PCDHGB6: variants seen among roughly 807,000 people sequenced by gnomAD.
The protein encoded by PCDHGB6 is protocadherin gamma-B6.
In PCDHGB6, 51 loss-of-function variants were observed where a neutral mutation model predicts 59.1. The ratio of observed to expected loss-of-function variants is 0.86; its 90% CI spans 0.69 to 1.09. The LOEUF (loss-of-function observed/expected upper bound fraction) is 1.09, where lower values mean the gene tolerates loss of function less well. Among genes scored for constraint, PCDHGB6 ranks in the 50% least tolerant of loss-of-function variants. PCDHGB6 has a pLI of 0.00. For synonymous variants in PCDHGB6, 466 were observed against 495.1 expected (o/e 0.94, Z 0.78); for missense variants, 1,148 against 1,205.1 (o/e 0.95, Z 0.70).
chr5:141,418,125 G>T (rs765373450), intron 1 of PCDHGB6: 7 of 1,613,968 alleles, frequency 4.3e-6, no homozygotes, highest in African/African-American at 2.7e-5. Flanking sequence ...GTGAAGGACC[G>T]AATAGACCGT....
Position 141,487,125 on chromosome 5 carries a change from G to A in PCDHGB6, c.2419-7682G>A. 6.2e-7 allele frequency: 1 copy of A among 1,614,112 alleles called. No homozygotes were observed. The highest frequency in any genetic ancestry group is 8.5e-7 in the Non-Finnish European group (1 of 1,179,994). The stretch of plus-strand genomic sequence containing the variant: ...CTGGTCATTGTGGTAAAGGATAGTG[G>A]TAGTCCACCACTCTCTACCTCTGTT... On this transcript the variant is annotated intron_variant, in intron 1 of 3. Coordinates refer to ENST00000520790, the MANE Select transcript of PCDHGB6 (RefSeq NM_018926.3). This position sits in a 1 kb window ranked among gnomAD's most constrained non-coding sequence, Gnocchi z 5.0.
Position 141,490,943 on chromosome 5 carries a change from G to A in PCDHGB6, c.2419-3864G>A, listed in dbSNP as rs1035375216. The A allele has an allele frequency of 6.8e-6, 11 of 1,613,470 alleles. No homozygotes were observed. The East Asian group carries it at 1.1e-4, about 16-fold the overall frequency. On this transcript the variant is annotated intron_variant, in intron 1 of 3. Coordinates refer to ENST00000520790, the MANE Select transcript of PCDHGB6 (RefSeq NM_018926.3). This position sits in a 1 kb window ranked among gnomAD's most constrained non-coding sequence, Gnocchi z 5.4. Reference sequence around the variant, plus strand: ...AATGCCCCAGCTGTGCTGCACCCACGGCCAGACTGGGAACACTCAGCCCCC... The same window carrying A: ...AATGCCCCAGCTGTGCTGCACCCACAGCCAGACTGGGAACACTCAGCCCCC...
intron 1 of PCDHGB6, chr5:141,430,848 A>G (rs780445178): frequency 1.3e-6 from 2 of 1,581,028 alleles, no homozygotes; most frequent in Admixed American, 1.8e-5. Flanking sequence ...GGATGCACCC[A>G]GATACGCTAT....
rs768648952 is a variant in PCDHGB6 at position 141,477,230 on chromosome 5, G to C, written c.2419-17577G>C. 6.2e-7 allele frequency: 1 copy of C among 1,614,046 alleles called. No homozygotes were observed. Among genetic ancestry groups the C allele is most frequent in the East Asian group, 2.2e-5 (1 of 44,890 alleles). ...GGATGCCCCTCTGGGGACTGTCATC[G>C]CTTTGCTCAGTGTGACTGACCTGGA... On this transcript the variant is annotated intron_variant, in intron 1 of 3. Transcript: ENST00000520790. The surrounding 1 kb of genome is among the most constrained non-coding windows in gnomAD (Gnocchi z 4.9).
intron 1 of PCDHGB6, among the ~76,000 whole-genome samples, chr5:141,456,303 G>A (rs941370138): frequency 6.6e-6 from 1 of 152,156 alleles, no homozygotes; most frequent in Non-Finnish European, 1.5e-5. Flanking sequence ...ATGGAGAACA[G>A]CAGCTAGGGC....
intron 1 of PCDHGB6, among the ~76,000 whole-genome samples, chr5:141,439,139 G>T (rs2098090438): frequency 6.6e-6 from 1 of 150,672 alleles, no homozygotes; most frequent in South Asian, 2.1e-4. Flanking sequence ...GTTGCAGTGA[G>T]CTGAGATCAC....
At chr5:141,436,105 A>G (rs2097796181) in intron 1 of PCDHGB6, among the ~76,000 whole-genome samples, 2 of 152,198 alleles carry the variant, frequency 1.3e-5, no homozygotes, top group African/African-American at 4.8e-5. Context: ...GAAATAGAGG[A>G]CAATGAAACC....
intron 1 of PCDHGB6, among the ~76,000 whole-genome samples, chr5:141,460,285 T>C (rs1283830175): frequency 1.3e-5 from 2 of 152,154 alleles, no homozygotes; most frequent in Admixed American, 6.5e-5. Context: ...ATAGTTTGTA[T>C]TTCTTATGTC....
intron 1 of PCDHGB6, among the ~76,000 whole-genome samples, chr5:141,444,770 C>A (rs1382748105): frequency 2.6e-5 from 4 of 152,078 alleles, no homozygotes; most frequent in African/African-American, 9.7e-5. Context: ...TTTCTATATT[C>A]TTGATCATGT....
In PCDHGB6 at chr5:141,476,141, G is replaced by A. The variant is rs1011341002; in HGVS notation, c.2419-18666G>A. On this transcript the variant is annotated intron_variant, in intron 1 of 3. Coordinates refer to ENST00000520790, the MANE Select transcript of PCDHGB6 (RefSeq NM_018926.3). This position sits in a 1 kb window ranked among gnomAD's most constrained non-coding sequence, Gnocchi z 7.6. ...GATGGTCCCAGAGGCCTGGAGGAGCGGACTGGTAAGCACCGGGAGGGTAGT... is the reference window on the plus strand; with the variant it reads ...GATGGTCCCAGAGGCCTGGAGGAGCAGACTGGTAAGCACCGGGAGGGTAGT... 5.6e-6 allele frequency: 9 copies of A among 1,609,928 alleles called. No homozygotes were observed. Among genetic ancestry groups the A allele is most frequent in the Non-Finnish European group, 7.6e-6 (9 of 1,178,880 alleles).
chr5:141,461,480 G>A (rs1478939044), intron 1 of PCDHGB6, among the ~76,000 whole-genome samples: 1 of 151,970 alleles, frequency 6.6e-6, no homozygotes, highest in Non-Finnish European at 1.5e-5. Context: ...ACTTTTTAAT[G>A]GGATTGTGTT....
chr5:141,439,042 A>C (rs2098084096), intron 1 of PCDHGB6, among the ~76,000 whole-genome samples: 1 of 151,642 alleles, frequency 6.6e-6, no homozygotes, highest in Non-Finnish European at 1.5e-5. Context: ...TCAGTTCATA[A>C]GATTTCCATA....
intron 1 of PCDHGB6, among the ~76,000 whole-genome samples, chr5:141,463,545 T>C (rs1433047951): frequency 6.8e-6 from 1 of 146,704 alleles, no homozygotes; most frequent in East Asian, 2.1e-4. Flanking sequence ...GGCTCCCGGG[T>C]TCATGCCATT....
intron 3 of PCDHGB6, among the ~76,000 whole-genome samples, chr5:141,506,320 G>A (rs1054880362): frequency 8.6e-5 from 13 of 151,966 alleles, no homozygotes; most frequent in South Asian, 8.3e-4. Flanking sequence ...ATGGTGGTGC[G>A]TGCCTGTAGT....
intron 1 of PCDHGB6, chr5:141,424,098 C>T: frequency 8.3e-6 from 7 of 846,340 alleles, no homozygotes; most frequent in Non-Finnish European, 1.0e-5. Flanking sequence ...TTTGCTATTA[C>T]TGCTAATGTT....
At chr5:141,415,401 G>A (rs1408496357) in intron 1 of PCDHGB6, 9 of 1,614,088 alleles carry the variant, frequency 5.6e-6, no homozygotes, top group East Asian at 2.2e-5. Context: ...TGTCCGGCTC[G>A]CACTTTGTGG....
chr5:141,509,839 T>C (rs1277859334), intron 3 of PCDHGB6, among the ~76,000 whole-genome samples: 4 of 152,162 alleles, frequency 2.6e-5, no homozygotes, highest in Non-Finnish European at 5.9e-5. Context: ...CTACCTCCCA[T>C]TCACTCAGAA....
At chr5:141,436,793 C>T (rs752376420) in intron 1 of PCDHGB6, among the ~76,000 whole-genome samples, 4 of 152,178 alleles carry the variant, frequency 2.6e-5, no homozygotes, top group Non-Finnish European at 5.9e-5. Flanking sequence ...TAAAACTGTT[C>T]TAAAATTTTT....
At chr5:141,483,122 A>G (rs1159736878) in intron 1 of PCDHGB6, among the ~76,000 whole-genome samples, 1 of 152,166 alleles carries the variant, frequency 6.6e-6, no homozygotes, top group Non-Finnish European at 1.5e-5. Context: ...CAGTCTTTGT[A>G]GGAGATGAGG....
Sources: gnomAD v4.1 joint callset for allele counts (sites outside exome capture counted in the v4.1 genomes callset) on GRCh38, gnomAD v4.1.1 for gene constraint, Gnocchi (gnomAD v3.1) non-coding constraint, MANE v1.5 for transcripts, NCBI Gene and HGNC (gene_info 2026-07-23, HGNC 2026-07-21) for gene names.